Variants in THRB observed in about 807,000 individuals in gnomAD.
THRB encodes the protein nuclear receptor subfamily 1 group A member 2.
THRB carries 12 observed loss-of-function variants against 47.8 expected under a neutral mutation model. The ratio of observed to expected loss-of-function variants is 0.25; its 90% CI spans 0.16 to 0.41. The LOEUF (loss-of-function observed/expected upper bound fraction) is 0.41. Among genes scored for constraint, THRB ranks in the 10% least tolerant of loss-of-function variants. THRB has a pLI of 1.00. For synonymous variants in THRB, 218 were observed against 212.2 expected, an observed-to-expected ratio of 1.03 and a Z score of -0.24; for missense variants, 348 against 589.2, an observed-to-expected ratio of 0.59 and a Z score of 4.24.
At chr3:24,472,213 CTATGT>C (rs946548260) in intron 1 of THRB, among the ~76,000 whole-genome samples, 1 of 152,158 alleles carries the variant, frequency 6.6e-6, no homozygotes, top group Admixed American at 6.5e-5. Flanking sequence ...ACTTTGCCTG[CTATGT>C]TATATCAATA....
At chr3:24,209,658 C>T (rs980333849) in intron 4 of THRB, among the ~76,000 whole-genome samples, 2 of 152,116 alleles carry the variant, frequency 1.3e-5, no homozygotes, top group African/African-American at 2.4e-5. Flanking sequence ...AGGAACATCA[C>T]ACACCAGGGC....
chr3:24,490,018 T>C (rs115596695), intron 1 of THRB, among the ~76,000 whole-genome samples: 1 of 152,116 alleles, frequency 6.6e-6, no homozygotes, highest in Non-Finnish European at 1.5e-5. Flanking sequence ...AACAATCACC[T>C]CCTCAGATAT....
chr3:24,203,017 G>T (rs757521690), intron 4 of THRB, among the ~76,000 whole-genome samples: 3 of 152,186 alleles, frequency 2.0e-5, no homozygotes, highest in Non-Finnish European at 4.4e-5. Context: ...GGCCATTTCG[G>T]CAGGACTATT....
chr3:24,477,274 A>G (rs915670076), intron 1 of THRB, among the ~76,000 whole-genome samples: 4 of 152,226 alleles, frequency 2.6e-5, no homozygotes, highest in African/African-American at 4.8e-5. Context: ...TCTGTAAAAC[A>G]ATAAACTAAG....
intron 1 of THRB, among the ~76,000 whole-genome samples, chr3:24,405,106 G>A (rs887777285): frequency 2.0e-5 from 3 of 151,882 alleles, no homozygotes; most frequent in African/African-American, 7.2e-5. Flanking sequence ...TTCTGTTTTC[G>A]TGGGTTGTTT....
intron 1 of THRB, among the ~76,000 whole-genome samples, chr3:24,339,510 T>C (rs568054940): frequency 1.6e-4 from 25 of 152,186 alleles, no homozygotes; most frequent in East Asian, 1.9e-4. Context: ...TTCTAAATGA[T>C]TGAGAACAGA....
chr3:24,180,814 T>C (rs1460212690), intron 5 of THRB, among the ~76,000 whole-genome samples: 2 of 152,146 alleles, frequency 1.3e-5, no homozygotes, highest in Admixed American at 6.5e-5. Context: ...GGTTCCCCCA[T>C]GTATGTGCTT....
In THRB at chr3:24,319,530, G is replaced by A. The variant is rs115541495; in HGVS notation, c.-189+17770C>T. Among the ~76,000 whole-genome samples, 455 of 152,276 alleles carry A rather than the reference G, an allele frequency of 3.0e-3. 4 individuals are homozygous for A. Among genetic ancestry groups the A allele is most frequent in the African/African-American group, 0.011 (444 of 41,548 alleles). On this transcript the variant is annotated intron_variant, in intron 2 of 10. Coordinates refer to ENST00000646209, the MANE Select transcript of THRB (RefSeq NM_001354712.2). ...AGAACAGATAAAAACATTTATCAAC[G>A]GTGATGAAATTCAGAAAAGTGGTAA...
At chr3:24,408,545 G>C (rs1170660548) in intron 1 of THRB, among the ~76,000 whole-genome samples, 4 of 151,812 alleles carry the variant, frequency 2.6e-5, no homozygotes, top group Non-Finnish European at 4.4e-5. Context: ...GTGTGAGCTG[G>C]TATGCAATCA....
At chr3:24,485,839 A>C (rs1463876875) in intron 1 of THRB, among the ~76,000 whole-genome samples, 1 of 152,190 alleles carries the variant, frequency 6.6e-6, no homozygotes, top group Non-Finnish European at 1.5e-5. Context: ...AAATATTTTA[A>C]TTGTCTGCTA....
At chr3:24,481,654 A>G (rs1006471434) in intron 1 of THRB, among the ~76,000 whole-genome samples, 1 of 152,128 alleles carries the variant, frequency 6.6e-6, no homozygotes, top group East Asian at 1.9e-4. Context: ...GGTGAGGGAA[A>G]GTGTCATTGG....
At chr3:24,227,352 G>T (rs930622387) in intron 4 of THRB, among the ~76,000 whole-genome samples, 3 of 152,210 alleles carry the variant, frequency 2.0e-5, no homozygotes, top group Non-Finnish European at 4.4e-5. Context: ...CAGAAACATT[G>T]AGGCTGTAGC....
At chr3:24,238,696 G>C (rs1265101044) in intron 3 of THRB, among the ~76,000 whole-genome samples, 1 of 152,090 alleles carries the variant, frequency 6.6e-6, no homozygotes, top group African/African-American at 2.4e-5. Flanking sequence ...GCTGCCTCTG[G>C]AATCTGCAGT....
At chr3:24,406,753 A>G (rs1007144685) in intron 1 of THRB, among the ~76,000 whole-genome samples, 1 of 151,944 alleles carries the variant, frequency 6.6e-6, no homozygotes. Context: ...GATTTGGTAT[A>G]AATGTACTCC....
At position 24,481,240 on chromosome 3, in the gene THRB, T is replaced by G. The variant is rs1225705277; in HGVS notation, c.-261+13412A>C. 4.1e-5 allele frequency among the ~76,000 whole-genome samples: 6 copies of G among 146,112 alleles called. No homozygotes were observed. The South Asian group carries it at 7.1e-4, about 17-fold the overall frequency. Reference sequence around the variant, plus strand: ...ATGCGTTTCTTTCTGTTTTTTTTTTTTTTTTTTTTTTTTTTTTACGGAAAA... The same window carrying G: ...ATGCGTTTCTTTCTGTTTTTTTTTTGTTTTTTTTTTTTTTTTTACGGAAAA... On this transcript the variant is annotated intron_variant, in intron 1 of 10. Transcript: ENST00000646209.
chr3:24,452,703 C>G (rs1200539542), intron 1 of THRB, among the ~76,000 whole-genome samples: 1 of 152,030 alleles, frequency 6.6e-6, no homozygotes, highest in East Asian at 1.9e-4. Flanking sequence ...CCACCTGTAA[C>G]TATTTATGAT....
At chr3:24,220,192 TA>T (rs2047011753) in intron 4 of THRB, among the ~76,000 whole-genome samples, 1 of 152,090 alleles carries the variant, frequency 6.6e-6, no homozygotes. Context: ...ATCAGGACTT[TA>T]AAAAGCTCCT....
chr3:24,296,877 G>A (rs1029214257), intron 3 of THRB, among the ~76,000 whole-genome samples: 3 of 152,208 alleles, frequency 2.0e-5, no homozygotes, highest in Non-Finnish European at 2.9e-5. Context: ...ACTTCCTGCC[G>A]AAGAGCCCTT....
chr3:24,209,298 C>T (rs1411532154), intron 4 of THRB, among the ~76,000 whole-genome samples: 1 of 152,152 alleles, frequency 6.6e-6, no homozygotes, highest in Non-Finnish European at 1.5e-5. Context: ...GGATCTAGAA[C>T]TATTTGACCC....
Sources: gnomAD v4.1 joint callset for allele counts (sites outside exome capture counted in the v4.1 genomes callset) on GRCh38, gnomAD v4.1.1 for gene constraint, MANE v1.5 for transcripts, NCBI Gene and HGNC (gene_info 2026-07-23, HGNC 2026-07-21) for gene names.